DTD1: variants seen among roughly 807,000 people sequenced by gnomAD.
DTD1 encodes D-tyrosyl-tRNA deacylase 1 homolog.
DTD1 carries 13 observed loss-of-function variants against 25.6 expected under a neutral mutation model. The observed-to-expected ratio is 0.51, with a 90% CI of 0.33 to 0.81. The LOEUF (loss-of-function observed/expected upper bound fraction) is 0.81. Among genes scored for constraint, DTD1 ranks in the 30% least tolerant of loss-of-function variants. The probability of loss-of-function intolerance (pLI) is 0.02; values close to 1 mark genes in which losing one functional copy is unlikely to be tolerated. For synonymous variants in DTD1, 110 were observed against 103.6 expected (o/e 1.06, Z -0.37); for missense variants, 193 against 266.4 (o/e 0.72, Z 1.92).
intron 4 of DTD1, among the ~76,000 whole-genome samples, chr20:18,721,944 C>T (rs1303294363): frequency 1.3e-5 from 2 of 152,138 alleles, no homozygotes; most frequent in African/African-American, 2.4e-5. Context: ...AGACATCAGT[C>T]TCTTCAGGCC....
chr20:18,670,003 GCTCTAA>G (rs1352361992), intron 4 of DTD1, among the ~76,000 whole-genome samples: 1 of 152,170 alleles, frequency 6.6e-6, no homozygotes, highest in East Asian at 1.9e-4. Context: ...ACAAGTCTAT[GCTCTAA>G]CTCTGTCACC....
chr20:18,642,833 C>A, intron 4 of DTD1: 1 of 160,854 alleles, frequency 6.2e-6, no homozygotes. Context: ...CCCTTTTTCT[C>A]TGAAGATGAA....
At chr20:18,669,442 G>C (rs923949444) in intron 4 of DTD1, among the ~76,000 whole-genome samples, 3 of 152,138 alleles carry the variant, frequency 2.0e-5, no homozygotes, top group Non-Finnish European at 4.4e-5. Flanking sequence ...TGCATTCCTC[G>C]GCTGAGCTCC....
intron 2 of DTD1, among the ~76,000 whole-genome samples, chr20:18,594,622 A>G (rs1375128286): frequency 6.6e-6 from 1 of 152,194 alleles, no homozygotes; most frequent in Non-Finnish European, 1.5e-5. Context: ...GAGCTTGGGT[A>G]TAACCCTGCC....
chr20:18,613,064 T>C (rs568791958), intron 3 of DTD1, among the ~76,000 whole-genome samples: 16 of 152,326 alleles, frequency 1.1e-4, no homozygotes, highest in African/African-American at 3.6e-4. Context: ...CATTTGGGCC[T>C]AGGAAGGGGA....
chr20:18,739,849 T>A (rs1427367383), intron 4 of DTD1, among the ~76,000 whole-genome samples: 1 of 152,266 alleles, frequency 6.6e-6, no homozygotes, highest in Non-Finnish European at 1.5e-5. Context: ...TTTATTAGGT[T>A]AGTTCACAAT....
chr20:18,645,992 G>A (rs1181024307), intron 4 of DTD1, among the ~76,000 whole-genome samples: 2 of 152,194 alleles, frequency 1.3e-5, no homozygotes, highest in Admixed American at 6.5e-5. Context: ...TAGAATGCTT[G>A]GCATTTGAAA....
At chr20:18,725,530 T>C (rs531649152) in intron 4 of DTD1, among the ~76,000 whole-genome samples, 2 of 152,376 alleles carry the variant, frequency 1.3e-5, no homozygotes, top group Admixed American at 1.3e-4. Context: ...TTCTGTCAGG[T>C]TGAGTTCTCT....
intron 4 of DTD1, among the ~76,000 whole-genome samples, chr20:18,647,299 G>A (rs901795188): frequency 1.3e-5 from 2 of 152,092 alleles, no homozygotes; most frequent in African/African-American, 4.8e-5. Flanking sequence ...TCTGTGTGGT[G>A]GGTGCTAGAA....
intron 4 of DTD1, among the ~76,000 whole-genome samples, chr20:18,730,998 A>G (rs2061237631): frequency 1.3e-5 from 2 of 152,096 alleles, no homozygotes; most frequent in African/African-American, 4.8e-5. Flanking sequence ...TATTCACCCA[A>G]CATATAGTTT....
intron 4 of DTD1, among the ~76,000 whole-genome samples, chr20:18,683,737 T>C (rs1380729438): frequency 4.6e-5 from 7 of 152,176 alleles, no homozygotes; most frequent in African/African-American, 1.2e-4. Flanking sequence ...GGGGGTAGTT[T>C]TATGGTTAGG....
intron 4 of DTD1, among the ~76,000 whole-genome samples, chr20:18,705,395 G>A (rs773740121): frequency 9.9e-5 from 15 of 152,036 alleles, no homozygotes; most frequent in East Asian, 1.9e-4. Flanking sequence ...AGCAACTCCC[G>A]CCCCTGCCTG....
intron 4 of DTD1, among the ~76,000 whole-genome samples, chr20:18,727,675 C>G (rs1413991671): frequency 6.6e-6 from 1 of 152,128 alleles, no homozygotes; most frequent in African/African-American, 2.4e-5. Context: ...TCACTCTCCC[C>G]TTCCCACCAT....
At chr20:18,625,882 T>C (rs2060755480) in intron 3 of DTD1, among the ~76,000 whole-genome samples, 1 of 152,200 alleles carries the variant, frequency 6.6e-6, no homozygotes, top group African/African-American at 2.4e-5. Flanking sequence ...TACTGTCTAG[T>C]GCCCATGTCC....
rs1018901423 is a variant in DTD1, at chr20:18,626,598, T to A, written c.371-1529T>A. 4.6e-5 allele frequency among the ~76,000 whole-genome samples: 7 copies of A among 152,204 alleles called. No individual in the cohort carries two copies. The East Asian group carries it at 5.8e-4, about 13-fold the overall frequency. The stretch of plus-strand genomic sequence containing the variant: ...CTTTTGTGTGAGTGTGTGTTTTTTT[T>A]AAAATGTGTTTATTTTCTCTGGTTA... On this transcript the variant is annotated intron_variant, in intron 3 of 5. Coordinates refer to ENST00000377452, the MANE Select transcript of DTD1 (RefSeq NM_080820.6).
In DTD1 at chr20:18,596,072, G is replaced by A. The variant is rs760835609; in HGVS notation, c.201G>A (p.Val67=). 45 of 1,614,178 alleles carry A rather than the reference G, an allele frequency of 2.8e-5. No homozygotes were observed. The highest frequency in any genetic ancestry group is 1.6e-4 in the Middle Eastern group (1 of 6,062). The change falls in exon 3 of 6, where the codon GTG becomes GTA. Residue 67 remains valine, a synonymous_variant. Coordinates refer to ENST00000377452, the MANE Select transcript of DTD1 (RefSeq NM_080820.6). ...GTGGGAAGCACTGGTCGAAGAGTGT[G>A]ATGGACAAACAGTACGAGATTCTGT... ...DESGKHWSKS[V]MDKQYEILCV...
intron 4 of DTD1, among the ~76,000 whole-genome samples, chr20:18,697,805 C>T (rs1408441890): frequency 6.6e-6 from 1 of 152,238 alleles, no homozygotes; most frequent in Non-Finnish European, 1.5e-5. Flanking sequence ...CTGCCTCAGC[C>T]TCTCGAGTAG....
chr20:18,644,257 T>TA (rs2060842026), intron 4 of DTD1, among the ~76,000 whole-genome samples: 1 of 152,032 alleles, frequency 6.6e-6, no homozygotes, highest in Non-Finnish European at 1.5e-5. Context: ...GAGAATGGTA[T>TA]AACAACACCT....
chr20:18,659,288 C>A (rs1245438558), intron 4 of DTD1, among the ~76,000 whole-genome samples: 1 of 152,162 alleles, frequency 6.6e-6, no homozygotes, highest in Non-Finnish European at 1.5e-5. Context: ...TGGTTTGCAC[C>A]TTTGGCCCTG....
Sources: gnomAD v4.1 joint callset for allele counts (sites outside exome capture counted in the v4.1 genomes callset) on GRCh38, gnomAD v4.1.1 for gene constraint, MANE v1.5 for transcripts, NCBI Gene and HGNC (gene_info 2026-07-23, HGNC 2026-07-21) for gene names.